Variants in GON4L observed in about 807,000 individuals in gnomAD.
GON4L encodes gon-4 like.
A neutral mutation model predicts 211.8 loss-of-function variants in GON4L; 87 were observed. The observed-to-expected ratio is 0.41, with a 90% CI of 0.35 to 0.49. GON4L has a LOEUF of 0.49. GON4L is among the 20% of genes least tolerant of loss of function. The pLI is 0.15. For missense variants in GON4L, 2,155 were observed against 2,659.5 expected (o/e 0.81, Z 4.17); for synonymous variants, 875 against 962.6 (o/e 0.91, Z 1.68).
intron 29 of GON4L, 113 bp downstream of exon 29, chr1:155,753,091 G>C: frequency 1.3e-6 from 1 of 755,392 alleles, no homozygotes; most frequent in Non-Finnish European, 2.2e-6. Context: ...CAGTGAAAGA[G>C]GTGGTATATC....
At chr1:155,831,503 A>G (rs1669771224) in intron 2 of GON4L, 2 of 151,116 alleles carry the variant, frequency 1.3e-5, no homozygotes, top group Non-Finnish European at 2.9e-5. Context: ...ATAAATAAAA[A>G]GTTATTTCTA....
At chr1:155,746,526 G>A, downstream of GON4L, 1 of 396,840 alleles carries the variant, frequency 2.5e-6, no homozygotes, top group Non-Finnish European at 4.3e-6. Context: ...GAGAGATGGT[G>A]ACAGCAGGTT....
At chr1:155,749,369 A>G, downstream of GON4L, 32 of 1,609,958 alleles carry the variant, frequency 2.0e-5, no homozygotes, top group Non-Finnish European at 2.5e-5. Flanking sequence ...CCCTTCATGC[A>G]TGTACCACTG....
At chr1:155,822,201 A>G (rs1400953776) in intron 4 of GON4L, 85 bp downstream of exon 4, 4 of 1,097,490 alleles carry the variant, frequency 3.6e-6, no homozygotes, top group South Asian at 2.5e-5. Flanking sequence ...TCACGTATCA[A>G]GAGTCAAGAA....
At chr1:155,767,346 A>G in intron 20 of GON4L, 79 bp downstream of exon 20, 1 of 1,613,722 alleles carries the variant, frequency 6.2e-7, no homozygotes, top group East Asian at 2.2e-5. Context: ...GCATTAGACG[A>G]TTAAGGAAGC....
rs138617271 is a variant in GON4L, at chr1:155,765,562, G to A, written c.3911C>T (p.Pro1304Leu). ...AGACTCCTGGATGCCCTGAGGGAGC[G>A]GCTCCAGAGCTTGCCTCCCCTCCTC... ...KTEEGRQALEPLPQGIQESLN... is the reference protein window; with the variant it reads ...KTEEGRQALELLPQGIQESLN... Residue 1304 changes from proline to leucine, a missense_variant, in exon 21 of 32, where the codon CCG becomes CTG. This residue lies in a region of GON4L where 615 missense variants were observed against 625.7 expected (regional missense o/e 0.98). Transcript: ENST00000368331. 8.7e-6 allele frequency: 14 copies of A among 1,614,110 alleles called. No individual in the cohort carries two copies. Among genetic ancestry groups the A allele is most frequent in the African/African-American group, 2.7e-5 (2 of 75,002 alleles).
chr1:155,795,933 T>C (rs1448701138), intron 11 of GON4L, among the ~76,000 whole-genome samples: 5 of 152,142 alleles, frequency 3.3e-5, no homozygotes, highest in Admixed American at 1.3e-4. Context: ...CATTGCACCC[T>C]GCCCAGATTT....
intron 3 of GON4L, among the ~76,000 whole-genome samples, chr1:155,823,417 CT>C (rs1361453815): frequency 6.6e-6 from 1 of 152,016 alleles, no homozygotes; most frequent in East Asian, 1.9e-4. Context: ...TTTCCTTAAC[CT>C]AAAAAATATT....
At chr1:155,745,557 G>C (rs969516520), downstream of GON4L, among the ~76,000 whole-genome samples, 5 of 152,228 alleles carry the variant, frequency 3.3e-5, no homozygotes, top group African/African-American at 1.2e-4. Flanking sequence ...AGTCAGCGGC[G>C]GAGACAGCGC....
At chr1:155,754,536 T>A in intron 27 of GON4L, 48 bp from the exon 28 acceptor site, 1 of 1,186,082 alleles carries the variant, frequency 8.4e-7, no homozygotes, top group Non-Finnish European at 1.2e-6. Flanking sequence ...TTTTTTTTTT[T>A]TTTTTTTTTT....
Position 155,765,726 on chromosome 1 carries a change from T to C in GON4L, c.3747A>G (p.Leu1249=), listed in dbSNP as rs757839803. ...AGAGAGGAGATAGTTCCTGGGGCTC[T>C]AATTTGGGTTCTAGGCCCTGAAAGG... ...ENAFQGLEPK[L]EPQELSPLSA... The change falls in exon 21 of 32, where the codon TTA becomes TTG. Residue 1249 remains leucine (L), a synonymous_variant. Transcript: ENST00000368331. 6.2e-6 allele frequency: 10 copies of C among 1,614,094 alleles called. No homozygotes were observed. Among genetic ancestry groups the C allele is most frequent in the East Asian group, 2.2e-5 (1 of 44,896 alleles).
chr1:155,773,282 A>C, intron 17 of GON4L, 72 bp from the exon 18 acceptor site: 1 of 1,572,488 alleles, frequency 6.4e-7, no homozygotes, highest in South Asian at 1.1e-5. Flanking sequence ...CTGTGAATGC[A>C]TTTTTGCATT....
chr1:155,831,074 A>G (rs114167203), intron 2 of GON4L, among the ~76,000 whole-genome samples: 1,611 of 152,098 alleles, frequency 0.011, 8 homozygotes, highest in Non-Finnish European at 0.017. Context: ...TGAGGTGGAC[A>G]GGTCACTTGA....
chr1:155,854,237 C>T (rs1484671329), intron 1 of GON4L, among the ~76,000 whole-genome samples: 1 of 152,162 alleles, frequency 6.6e-6, no homozygotes, highest in Non-Finnish European at 1.5e-5. Context: ...CTGCAACCTC[C>T]GCCTCTCGCG....
rs542721970 is a variant in GON4L at position 155,842,762 on chromosome 1, G to A, written c.505+10514C>T. ...TGAGGCAGGGGAATCACTTGAACCC[G>A]GGAGGCGGAGGTTGCAGTGAGCCAA... On this transcript the variant is annotated intron_variant, in intron 2 of 31. Transcript: ENST00000368331. Among the ~76,000 whole-genome samples the A allele has an allele frequency of 3.9e-5, 6 of 152,004 alleles. No homozygotes were observed. The East Asian group carries it at 7.7e-4, about 20-fold the overall frequency.
chr1:155,847,432 A>G (rs1671351138), intron 2 of GON4L, among the ~76,000 whole-genome samples: 1 of 152,168 alleles, frequency 6.6e-6, no homozygotes, highest in Non-Finnish European at 1.5e-5. Context: ...AGCCAGGTGC[A>G]GTGACTCAAG....
rs1368737938 is a variant in GON4L, at chr1:155,752,056, G to C, written c.6377C>G (p.Pro2126Arg). ...AKDSGTQAKG[P>R]EGEQQPKAAE... is the part of the protein sequence containing the mutation. ...GGCCTTTGGCTGCTGCTCCCCCTCTGGACCCTTGGCCTGTGTTCCACTGTC... is the reference window on the plus strand; with the variant it reads ...GGCCTTTGGCTGCTGCTCCCCCTCTCGACCCTTGGCCTGTGTTCCACTGTC... The change falls in exon 30 of 32, where the codon CCA becomes CGA. Residue 2126 changes from proline (P) to arginine (R), a missense_variant. Physicochemically the swap from Pro to Arg is moderately radical, Grantham distance 103. This residue lies in a region of GON4L where 186 missense variants were observed against 308.1 expected (regional missense o/e 0.60). Coordinates refer to ENST00000368331, the MANE Select transcript of GON4L (RefSeq NM_001282860.2). The C allele has an allele frequency of 1.2e-6, 2 of 1,613,702 alleles. No homozygotes were observed. Among genetic ancestry groups the C allele is most frequent in the South Asian group, 2.2e-5 (2 of 91,070 alleles).
At position 155,805,052 on chromosome 1, in the gene GON4L, T is replaced by C. The variant is rs369856409; in HGVS notation, c.1542A>G (p.Gln514=). 1.1e-5 allele frequency: 17 copies of C among 1,613,404 alleles called. No individual in the cohort carries two copies. Among genetic ancestry groups the C allele is most frequent in the Non-Finnish European group, 1.4e-5 (17 of 1,179,476 alleles). ...VPLGQLEAEL[Q]APDITPDMYD... Reference sequence around the variant, plus strand: ...ACATATCTGGAGTGATGTCTGGAGCTTGGAGCTCTGCCTCTAATTGGCCCA... The same window carrying C: ...ACATATCTGGAGTGATGTCTGGAGCCTGGAGCTCTGCCTCTAATTGGCCCA... Residue 514 remains glutamine, a synonymous_variant, in exon 11 of 32, where the codon CAA becomes CAG. Transcript: ENST00000368331.
chr1:155,837,549 T>C (rs563544863), intron 2 of GON4L, among the ~76,000 whole-genome samples: 25 of 152,266 alleles, frequency 1.6e-4, no homozygotes, highest in African/African-American at 5.3e-4. Flanking sequence ...GTCCAAGATA[T>C]CTGATATTGA....
Sources: allele counts gnomAD v4.1 joint callset (sites outside exome capture counted in the v4.1 genomes callset), GRCh38; gene constraint gnomAD v4.1.1; regional missense constraint gnomAD v4.1.1; transcripts MANE v1.5; gene names NCBI Gene and HGNC (gene_info 2026-07-23, HGNC 2026-07-21).